ATRNL1: variants seen among roughly 807,000 people sequenced by gnomAD.
ATRNL1 encodes attractin like 1, also known as attractin-like protein 1.
A neutral mutation model predicts 182.7 loss-of-function variants in ATRNL1; 95 were observed. The ratio of observed to expected loss-of-function variants is 0.52; its 90% CI spans 0.44 to 0.62. The LOEUF (loss-of-function observed/expected upper bound fraction) is 0.62. Ranked by LOEUF, ATRNL1 falls within the 20% of genes least tolerant of loss-of-function variation. The probability of loss-of-function intolerance (pLI) is 0.00; values close to 1 mark genes in which losing one functional copy is unlikely to be tolerated. For synonymous variants in ATRNL1, 576 were observed against 568.3 expected (o/e 1.01, Z -0.19); for missense variants, 1,471 against 1,679.5 (o/e 0.88, Z 2.17).
At chr10:115,664,884 T>C (rs1249645647) in intron 26 of ATRNL1, among the ~76,000 whole-genome samples, 2 of 152,182 alleles carry the variant, frequency 1.3e-5, no homozygotes, top group Non-Finnish European at 2.9e-5. Context: ...CCTTGCCCTG[T>C]GTCAAGCTAT....
chr10:115,351,905 G>C (rs191419148), intron 19 of ATRNL1, among the ~76,000 whole-genome samples: 7 of 152,198 alleles, frequency 4.6e-5, no homozygotes, highest in African/African-American at 1.7e-4. Flanking sequence ...TAGTTCTTCT[G>C]TAAATGATTT....
intron 28 of ATRNL1, among the ~76,000 whole-genome samples, chr10:115,904,521 C>T (rs1952444346): frequency 6.6e-6 from 1 of 152,158 alleles, no homozygotes; most frequent in Non-Finnish European, 1.5e-5. Context: ...TGGATTTCCC[C>T]CTCACAAGCT....
intron 26 of ATRNL1, among the ~76,000 whole-genome samples, chr10:115,694,505 C>CT (rs1555049159): frequency 0.012 from 1,758 of 152,098 alleles, 33 homozygotes; most frequent in African/African-American, 0.04. Flanking sequence ...ATGTAAACAG[C>CT]TATGCAAAGC....
intron 26 of ATRNL1, among the ~76,000 whole-genome samples, chr10:115,706,664 A>C (rs1046488015): frequency 1.4e-4 from 22 of 151,948 alleles, no homozygotes; most frequent in African/African-American, 5.1e-4. Context: ...CTTGTATCAC[A>C]CTGACCACCA....
rs906828309 is a variant in ATRNL1, at chr10:115,767,872, A to G, written c.3903+40517A>G. Reference sequence around the variant, plus strand: ...GTAAAGTTTTGTTTGTTGTCTTAATATAATCCCAGGATCATGATTGGGGAT... The same window carrying G: ...GTAAAGTTTTGTTTGTTGTCTTAATGTAATCCCAGGATCATGATTGGGGAT... On this transcript the variant is annotated intron_variant, in intron 27 of 28. Coordinates refer to ENST00000355044, the MANE Select transcript of ATRNL1 (RefSeq NM_207303.4). 1.5e-4 allele frequency among the ~76,000 whole-genome samples: 23 copies of G among 152,172 alleles called. No individual in the cohort carries two copies. In the East Asian group the frequency reaches 4.2e-3, roughly 28 times the overall value.
rs115143149 is a variant in ATRNL1 at position 115,447,477 on chromosome 10, C to T, written c.3323-14464C>T. ...GTTATAAGTACCTTTAATTTGTTAG[C>T]TCACTTAATCATCCATAAAAATTAA... On this transcript the variant is annotated intron_variant, in intron 21 of 28. Transcript: ENST00000355044. 8.8e-3 allele frequency among the ~76,000 whole-genome samples: 1,338 copies of T among 151,672 alleles called. 19 individuals carry two copies. The highest frequency in any genetic ancestry group is 0.029 in the African/African-American group (1,191 of 41,460).
chr10:115,412,011 C>G (rs1845164223), intron 20 of ATRNL1, among the ~76,000 whole-genome samples: 1 of 152,110 alleles, frequency 6.6e-6, no homozygotes. Context: ...AGGACCTGTG[C>G]TTGCTTCTAA....
At chr10:115,283,820 A>G (rs1459638765) in intron 14 of ATRNL1, among the ~76,000 whole-genome samples, 1 of 152,230 alleles carries the variant, frequency 6.6e-6, no homozygotes, top group African/African-American at 2.4e-5. Context: ...TACTTTTGGT[A>G]GTACTCATCT....
At chr10:115,407,549 C>T (rs901186514) in intron 20 of ATRNL1, among the ~76,000 whole-genome samples, 1 of 152,042 alleles carries the variant, frequency 6.6e-6, no homozygotes, top group African/African-American at 2.4e-5. Flanking sequence ...CATGTTGCCA[C>T]GAACGACAGG....
At chr10:115,154,710 G>T (rs1450589489) in intron 5 of ATRNL1, among the ~76,000 whole-genome samples, 1 of 152,012 alleles carries the variant, frequency 6.6e-6, no homozygotes, top group Non-Finnish European at 1.5e-5. Flanking sequence ...AGGTCCATTT[G>T]GTCTAATGTG....
At chr10:115,367,686 T>G (rs10885698) in intron 19 of ATRNL1, among the ~76,000 whole-genome samples, 20,625 of 100,020 alleles carry the variant, frequency 0.21, 3,952 homozygotes, top group Middle Eastern at 0.34. Flanking sequence ...GTGATGTACA[T>G]ATGGGTTTTT....
intron 17 of ATRNL1, among the ~76,000 whole-genome samples, chr10:115,307,844 A>G (rs1853810086): frequency 1.3e-5 from 2 of 152,174 alleles, no homozygotes; most frequent in Admixed American, 6.5e-5. Flanking sequence ...TTACTCTTTC[A>G]TAGGTGTCAG....
intron 24 of ATRNL1, among the ~76,000 whole-genome samples, chr10:115,518,913 T>A (rs1850773614): frequency 6.6e-6 from 1 of 151,968 alleles, no homozygotes; most frequent in Admixed American, 6.6e-5. Context: ...TGAAGTTATA[T>A]AGGGAGAAAA....
At chr10:115,909,192 T>G (rs994103220) in intron 28 of ATRNL1, among the ~76,000 whole-genome samples, 1 of 151,752 alleles carries the variant, frequency 6.6e-6, no homozygotes, top group Admixed American at 6.6e-5. Flanking sequence ...CCCAGTCAGT[T>G]AAAGGTACCA....
At chr10:115,613,253 T>C (rs1050698601) in intron 26 of ATRNL1, among the ~76,000 whole-genome samples, 4 of 152,240 alleles carry the variant, frequency 2.6e-5, no homozygotes, top group Non-Finnish European at 4.4e-5. Context: ...ATACTGATCT[T>C]TATCAAACGT....
intron 26 of ATRNL1, among the ~76,000 whole-genome samples, chr10:115,616,279 G>T (rs1432602283): frequency 2.6e-5 from 4 of 152,186 alleles, no homozygotes; most frequent in Non-Finnish European, 5.9e-5. Flanking sequence ...AAGCAACAAA[G>T]CATTCAAGTT....
intron 24 of ATRNL1, among the ~76,000 whole-genome samples, chr10:115,513,921 G>T (rs1459426170): frequency 6.6e-6 from 1 of 151,910 alleles, no homozygotes; most frequent in African/African-American, 2.4e-5. Flanking sequence ...TGCTTGTGCT[G>T]AGTCTACATT....
At chr10:115,796,264 C>T (rs533778959) in intron 27 of ATRNL1, among the ~76,000 whole-genome samples, 5 of 151,954 alleles carry the variant, frequency 3.3e-5, no homozygotes, top group Non-Finnish European at 5.9e-5. Flanking sequence ...TCTGATGCCA[C>T]GTCTGCCCTC....
intron 9 of ATRNL1, 151 bp from the exon 10 acceptor site, chr10:115,241,420 G>C (rs1592310262): frequency 2.3e-6 from 1 of 435,502 alleles, no homozygotes; most frequent in Non-Finnish European, 4.0e-6. Flanking sequence ...TTGAAGTTTA[G>C]AGGTCATTTA....
Sources: allele counts gnomAD v4.1 joint callset (sites outside exome capture counted in the v4.1 genomes callset), GRCh38; gene constraint gnomAD v4.1.1; transcripts MANE v1.5; gene names NCBI Gene and HGNC (gene_info 2026-07-23, HGNC 2026-07-21).